The following AK5 variants were observed in gnomAD, a reference collection of about 807,000 sequenced individuals.
AK5 encodes adenylate kinase 5.
Under a neutral mutation model 69.5 loss-of-function variants are expected in AK5, and 27 were observed. The ratio of observed to expected loss-of-function variants is 0.39; its 90% CI spans 0.29 to 0.54. The LOEUF is 0.54. AK5 is among the 20% of genes least tolerant of loss of function. AK5 has a pLI of 0.71. For synonymous variants in AK5, 260 were observed against 244.4 expected (o/e 1.06, Z -0.60); for missense variants, 531 against 700.4 (o/e 0.76, Z 2.73).
chr1:77,524,309 T>A (rs1166747713), intron 12 of AK5, among the ~76,000 whole-genome samples: 1 of 152,232 alleles, frequency 6.6e-6, no homozygotes, highest in Non-Finnish European at 1.5e-5. Flanking sequence ...CAAGTGGAAT[T>A]GCTAGATCAT....
intron 6 of AK5, among the ~76,000 whole-genome samples, chr1:77,409,260 C>G (rs1649872986): frequency 6.6e-6 from 1 of 152,128 alleles, no homozygotes; most frequent in South Asian, 2.1e-4. Flanking sequence ...ATGGTTTATA[C>G]TCCGCCAGGT....
intron 6 of AK5, chr1:77,340,779 T>G (rs1328036805): frequency 2.3e-6 from 1 of 427,944 alleles, no homozygotes; most frequent in Non-Finnish European, 4.1e-6. Context: ...TTTAATTGAT[T>G]TTTATGAAAG....
At chr1:77,434,355 A>G (rs1651832810) in intron 8 of AK5, among the ~76,000 whole-genome samples, 1 of 152,082 alleles carries the variant, frequency 6.6e-6, no homozygotes, top group Admixed American at 6.5e-5. Context: ...CTTCCCATAC[A>G]ATTTACTAAG....
At chr1:77,424,969 A>T (rs2647517) in intron 8 of AK5, among the ~76,000 whole-genome samples, 141,429 of 152,282 alleles carry the variant, frequency 0.93, 65,787 homozygotes, top group East Asian at 0.97. Flanking sequence ...GCCTTTATAT[A>T]CAAACTTCAG....
intron 10 of AK5, among the ~76,000 whole-genome samples, chr1:77,490,977 G>A (rs1368604100): frequency 6.6e-6 from 1 of 152,004 alleles, no homozygotes; most frequent in Non-Finnish European, 1.5e-5. Flanking sequence ...TTCAGGTGAG[G>A]TATGGTATTA....
intron 8 of AK5, among the ~76,000 whole-genome samples, chr1:77,422,007 A>T (rs769421860): frequency 6.6e-6 from 1 of 151,964 alleles, no homozygotes; most frequent in Non-Finnish European, 1.5e-5. Context: ...AACATGTCCA[A>T]AACCACGCTC....
intron 13 of AK5, chr1:77,540,370 T>G (rs889134672): frequency 1.3e-5 from 2 of 152,198 alleles, no homozygotes; most frequent in African/African-American, 4.8e-5. Context: ...AACAGAACTT[T>G]CCTCCATTTC....
intron 8 of AK5, among the ~76,000 whole-genome samples, chr1:77,444,288 G>A (rs1326324880): frequency 6.4e-5 from 4 of 62,312 alleles, no homozygotes; most frequent in Admixed American, 2.2e-4. Flanking sequence ...CACAACATAT[G>A]TGTATATATA....
At chr1:77,287,443 A>G (rs1289964327) in intron 2 of AK5, among the ~76,000 whole-genome samples, 1 of 152,268 alleles carries the variant, frequency 6.6e-6, no homozygotes, top group Non-Finnish European at 1.5e-5. Flanking sequence ...ATTTCTCCAA[A>G]TAAATGAATA....
chr1:77,432,067 C>A (rs143782996), intron 8 of AK5, among the ~76,000 whole-genome samples: 1 of 152,186 alleles, frequency 6.6e-6, no homozygotes, highest in Non-Finnish European at 1.5e-5. Context: ...CCTTTATGGC[C>A]TTCCCAAGCA....
At chr1:77,330,294 T>C (rs749065916) in intron 5 of AK5, among the ~76,000 whole-genome samples, 4 of 152,242 alleles carry the variant, frequency 2.6e-5, no homozygotes, top group Non-Finnish European at 5.9e-5. Context: ...TAGGTTCTGT[T>C]TGAGAAATCC....
intron 8 of AK5, among the ~76,000 whole-genome samples, chr1:77,431,302 C>T (rs934796457): frequency 3.3e-5 from 5 of 152,112 alleles, no homozygotes; most frequent in African/African-American, 7.2e-5. Context: ...TTTATTTTGA[C>T]GAATCAATCA....
chr1:77,290,975 T>A (rs1443384927), intron 2 of AK5, among the ~76,000 whole-genome samples: 2 of 152,208 alleles, frequency 1.3e-5, no homozygotes, highest in Non-Finnish European at 1.5e-5. Context: ...GGGCTGAATC[T>A]AACCTAGCTT....
intron 6 of AK5, among the ~76,000 whole-genome samples, chr1:77,344,996 A>G (rs79854788): frequency 6.3e-4 from 16 of 25,378 alleles, no homozygotes. Context: ...AAATTGTGCA[A>G]AAAAAAAAAA....
chr1:77,471,102 T>C (rs1654480843), intron 8 of AK5, among the ~76,000 whole-genome samples: 1 of 151,486 alleles, frequency 6.6e-6, no homozygotes, highest in Non-Finnish European at 1.5e-5. Context: ...CAAGATGGTA[T>C]CAATCTCCTG....
chr1:77,397,467 CA>C (rs1371473921), intron 6 of AK5, among the ~76,000 whole-genome samples: 1 of 152,224 alleles, frequency 6.6e-6, no homozygotes, highest in Non-Finnish European at 1.5e-5. Flanking sequence ...ACTTCTCCAA[CA>C]GGGGGAAACA....
intron 13 of AK5, among the ~76,000 whole-genome samples, chr1:77,542,844 G>T (rs1570342083): frequency 6.6e-6 from 1 of 152,016 alleles, no homozygotes; most frequent in East Asian, 1.9e-4. Flanking sequence ...AACACCCCAG[G>T]CCATAGATGA....
At chr1:77,384,153 G>A (rs1019616311) in intron 6 of AK5, among the ~76,000 whole-genome samples, 3 of 152,132 alleles carry the variant, frequency 2.0e-5, no homozygotes, top group Middle Eastern at 3.4e-3. Context: ...GTTAATCAGG[G>A]AAATATTAAG....
At chr1:77,454,292 G>A (rs969204264) in intron 8 of AK5, among the ~76,000 whole-genome samples, 2 of 152,034 alleles carry the variant, frequency 1.3e-5, no homozygotes, top group Non-Finnish European at 2.9e-5. Flanking sequence ...GACAGTGTTG[G>A]CTCATTCCAC....
Sources: gnomAD v4.1 joint callset for allele counts (sites outside exome capture counted in the v4.1 genomes callset) on GRCh38, gnomAD v4.1.1 for gene constraint, MANE v1.5 for transcripts, NCBI Gene and HGNC (gene_info 2026-07-23, HGNC 2026-07-21) for gene names.